ZNF331: variants seen among roughly 807,000 people sequenced by gnomAD.
ZNF331 encodes the protein zinc finger protein 331.
A neutral mutation model predicts 7.0 loss-of-function variants in ZNF331; 2 were observed. The observed-to-expected ratio is 0.29, with a 90% CI of 0.12 to 0.90. ZNF331 has a LOEUF of 0.90. ZNF331 is among the 40% of genes least tolerant of loss of function. The pLI is 0.58. For missense variants in ZNF331, 432 were observed against 587.7 expected, an observed-to-expected ratio of 0.74 and a Z score of 2.74; for synonymous variants, 196 against 205.4, an observed-to-expected ratio of 0.95 and a Z score of 0.39.
chr19:53,503,756 A>G, the ZNF331 span: 1 of 700,202 alleles, frequency 1.4e-6, no homozygotes, highest in Non-Finnish European at 2.6e-6. Flanking sequence ...CTTAAAGGGA[A>G]CGCCCCCAAG....
Position 53,571,884 on chromosome 19 carries a change from A to AC in ZNF331, c.136+154_136+155insC, listed in dbSNP as rs11372224. Among the ~76,000 whole-genome samples the AC allele has an allele frequency of 0.057, 8,607 of 152,180 alleles. 834 individuals carry two copies. The highest frequency in any genetic ancestry group is 0.2 in the African/African-American group (8,172 of 41,474). On this transcript the variant is annotated intron_variant, in intron 5 of 5. Coordinates refer to ENST00000449416, the MANE Select transcript of ZNF331 (RefSeq NM_001079906.2). The surrounding 1 kb of genome is among the most constrained non-coding windows in gnomAD (Gnocchi z 4.7). The stretch of plus-strand genomic sequence containing the variant: ...TTATTGATGTGGCCGTGAGCACCAC[A>AC]ACCTTCCCCTCCCATCCATCGGTTA...
At chr19:53,574,864 T>A (rs888681947) in intron 5 of ZNF331, among the ~76,000 whole-genome samples, 1 of 152,206 alleles carries the variant, frequency 6.6e-6, no homozygotes, top group Non-Finnish European at 1.5e-5. Context: ...AGTGGCACTG[T>A]TCATATTGGA....
intron 5 of ZNF331, among the ~76,000 whole-genome samples, chr19:53,572,062 T>G (rs550504333): frequency 6.6e-6 from 1 of 152,276 alleles, no homozygotes; most frequent in East Asian, 1.9e-4. Context: ...CTATTGGTGG[T>G]CGGTGTTACT....
upstream of ZNF331, among the ~76,000 whole-genome samples, chr19:53,518,426 G>A (rs999635114): frequency 6.6e-6 from 1 of 152,126 alleles, no homozygotes; most frequent in Non-Finnish European, 1.5e-5. Flanking sequence ...CCTATCATGG[G>A]ACTGGGCCTT....
At chr19:53,570,573 C>T (rs1377326675) in intron 4 of ZNF331, among the ~76,000 whole-genome samples, 1 of 152,022 alleles carries the variant, frequency 6.6e-6, no homozygotes, top group Non-Finnish European at 1.5e-5. Context: ...ACTCTTGTTG[C>T]CCAGGCTGGA....
upstream of ZNF331, among the ~76,000 whole-genome samples, chr19:53,535,018 CAAAAAAAAAAAA>C (rs59509834): frequency 2.4e-5 from 3 of 127,354 alleles, no homozygotes; most frequent in East Asian, 6.6e-4. Context: ...AGCCTGTAAC[CAAAAAAAAAAAA>C]AAAAAAAAAT....
intron 3 of ZNF331, among the ~76,000 whole-genome samples, chr19:53,557,591 G>A (rs2089516853): frequency 1.3e-5 from 2 of 152,192 alleles, no homozygotes; most frequent in Admixed American, 6.5e-5. Flanking sequence ...TTTAGGTACA[G>A]TATTGTGCTC....
the ZNF331 span, chr19:53,504,200 C>G: frequency 1.5e-5 from 5 of 335,998 alleles, no homozygotes; most frequent in Non-Finnish European, 2.3e-5. Context: ...CTGCAATGAT[C>G]AGTGCAGGTT....
chr19:53,574,383 G>C (rs760566536), intron 5 of ZNF331, among the ~76,000 whole-genome samples: 3 of 152,090 alleles, frequency 2.0e-5, no homozygotes, highest in Non-Finnish European at 2.9e-5. Context: ...TGAGGTGTTG[G>C]AGAGCTTTCT....
chr19:53,563,940 G>A (rs1384388600), intron 3 of ZNF331: 1 of 150,336 alleles, frequency 6.7e-6, no homozygotes, highest in Non-Finnish European at 1.5e-5. Context: ...GGCTGAGGCA[G>A]GAGAATGGCT....
At chr19:53,522,170 C>T (rs561513192) in intron 1 of ZNF331, 1 of 152,106 alleles carries the variant, frequency 6.6e-6, no homozygotes, top group East Asian at 1.9e-4. Context: ...CAGCATTTCT[C>T]TGAAAAACTC....
chr19:53,549,364 A>T (rs192260308), intron 2 of ZNF331, among the ~76,000 whole-genome samples: 1 of 152,310 alleles, frequency 6.6e-6, no homozygotes, highest in Admixed American at 6.5e-5. Context: ...AGCAGGTTGC[A>T]GCAAAGAAAG....
the ZNF331 span, among the ~76,000 whole-genome samples, chr19:53,506,200 T>C: frequency 7.0e-6 from 1 of 142,550 alleles, no homozygotes; most frequent in South Asian, 2.3e-4. Context: ...CCGGGCGTGG[T>C]GGCGGGCGCC....
rs547499629 is a variant in ZNF331 at position 53,524,560 on chromosome 19, T to G, written c.-205+1876T>G. Among the ~76,000 whole-genome samples, 11 of 152,386 alleles carry G rather than the reference T, an allele frequency of 7.2e-5. No homozygotes were observed. The East Asian group carries it at 2.1e-3, about 29-fold the overall frequency. On this transcript the variant is annotated intron_variant, in intron 2 of 6. Transcript: ENST00000253144. ...TGTGTCTGTTGGCTGCATAGATGTC[T>G]TCTTTTGAGAAGTGTCTGTTCATAT...
upstream of ZNF331, among the ~76,000 whole-genome samples, chr19:53,533,794 C>G (rs11671824): frequency 1.3e-5 from 2 of 151,916 alleles, no homozygotes; most frequent in African/African-American, 4.8e-5. Context: ...GTCTGATATA[C>G]GTACAGTTGA....
At chr19:53,546,142 A>G (rs1412627791) in intron 2 of ZNF331, among the ~76,000 whole-genome samples, 19 of 52,232 alleles carry the variant, frequency 3.6e-4, no homozygotes, top group East Asian at 1.6e-3. Context: ...CTGAGGGGGA[A>G]AAAAAAAAAA....
rs1406434580 is a variant in ZNF331 at position 53,578,832 on chromosome 19, T to C, written c.*880T>C. The C allele has an allele frequency of 2.6e-5, 5 of 190,946 alleles. No individual in the cohort carries two copies. The highest frequency in any genetic ancestry group is 5.5e-5 in the Non-Finnish European group (5 of 91,318). The allele number at this position is 190,946 out of a possible 1,614,324, so 11.8% of individuals were successfully genotyped here. A position where few individuals can be genotyped will look rare whatever the true frequency, so the allele number is the denominator to read the frequency against. Reference sequence around the variant, plus strand: ...GTTTTTGTTTTTTTGAGACAGAGTCTCACTCTTGCCCAGGCTGGAGTGCAG... The same window carrying C: ...GTTTTTGTTTTTTTGAGACAGAGTCCCACTCTTGCCCAGGCTGGAGTGCAG... On this transcript the variant is annotated 3_prime_UTR_variant, in exon 6 of 6. Transcript: ENST00000449416.
Position 53,522,256 on chromosome 19 carries a change from G to GTTTT in ZNF331, c.-273+183_-273+186dup, listed in dbSNP as rs560872830. On this transcript the variant is annotated intron_variant, in intron 1 of 6. Coordinates refer to the ZNF331 transcript ENST00000253144. ...CAAGTGTGCCCTATTTTCTTTCTTT[G>GTTTT]TTTTTTTTTTTTTTGAGACAGAGTC... Among the ~76,000 whole-genome samples the GTTTT allele has an allele frequency of 1.1e-4, 15 of 139,584 alleles. 1 individual carries two copies. Among genetic ancestry groups the GTTTT allele is most frequent in the Non-Finnish European group, 1.9e-4 (12 of 64,230 alleles). The allele number at this position is 139,584 out of a possible 152,430, so 91.6% of individuals were successfully genotyped here.
At position 53,577,892 on chromosome 19, in the gene ZNF331, CG is replaced by C; in HGVS notation, c.1335del (p.Lys446ArgfsTer6). The C allele has an allele frequency of 6.2e-7, 1 of 1,613,002 alleles. No individual in the cohort carries two copies. The highest frequency in any genetic ancestry group is 8.5e-7 in the Non-Finnish European group (1 of 1,179,834). On this transcript the variant is annotated frameshift_variant, in exon 6 of 6. Transcript: ENST00000449416. LOFTEE classifies it low-confidence loss of function (END_TRUNC). ...CGAAATCCTACGAATGTAAGGAGTG[CG>C]GGAAGGCATGTAACCACCTAAACCA... ...GAKSYECKEC[G>X]KACNHLNHLR...
Sources: allele counts gnomAD v4.1 joint callset (sites outside exome capture counted in the v4.1 genomes callset), GRCh38; gene constraint gnomAD v4.1.1; non-coding constraint Gnocchi (gnomAD v3.1); transcripts MANE v1.5; gene names NCBI Gene and HGNC (gene_info 2026-07-23, HGNC 2026-07-21).